Variants in VPS13C observed in about 807,000 individuals in gnomAD.
VPS13C encodes the protein vacuolar protein sorting 13 homolog C.
Under a neutral mutation model 456.8 loss-of-function variants are expected in VPS13C, and 358 were observed. The observed-to-expected ratio is 0.78, with a 90% CI of 0.72 to 0.86. The LOEUF (loss-of-function observed/expected upper bound fraction) is 0.86, where lower values mean the gene tolerates loss of function less well. Ranked by LOEUF, VPS13C falls within the 40% of genes least tolerant of loss-of-function variation. VPS13C has a pLI of 0.00. For missense variants in VPS13C, 4,818 were observed against 4,385.4 expected, an observed-to-expected ratio of 1.10 and a Z score of -2.79; for synonymous variants, 1,578 against 1,486.7, an observed-to-expected ratio of 1.06 and a Z score of -1.41.
Position 61,951,787 on chromosome 15 carries a change from TAATG to T in VPS13C, c.4456+33_4456+36del, listed in dbSNP as rs550816495. On this transcript the variant is annotated intron_variant, in intron 39 of 84. Coordinates refer to ENST00000644861, the MANE Select transcript of VPS13C (RefSeq NM_020821.3). Reference sequence around the variant, plus strand: ...GATAAAAAGGTAGGGATCATCTGCCTAATGAATAATTTACACAGACAATATTTCA... The same window carrying T: ...GATAAAAAGGTAGGGATCATCTGCCTAATAATTTACACAGACAATATTTCA... 3,002 of 1,576,108 alleles carry T rather than the reference TAATG, an allele frequency of 1.9e-3. 8 individuals carry two copies. Among genetic ancestry groups the T allele is most frequent in the Middle Eastern group, 2.7e-3 (15 of 5,646 alleles).
chr15:61,982,263 C>G (rs1363160858), intron 21 of VPS13C, among the ~76,000 whole-genome samples, 196 bp downstream of exon 21: 1 of 152,172 alleles, frequency 6.6e-6, no homozygotes, highest in Non-Finnish European at 1.5e-5. Context: ...ATCTGTGCCC[C>G]ATATTATGCT....
chr15:61,992,777 C>A (rs1345749139), intron 16 of VPS13C, among the ~76,000 whole-genome samples: 1 of 152,054 alleles, frequency 6.6e-6, no homozygotes, highest in South Asian at 2.1e-4. Context: ...AAAGAATCAT[C>A]TAGAAGCTTT....
chr15:62,000,339 CG>C (rs1229338541), intron 16 of VPS13C, among the ~76,000 whole-genome samples: 2 of 151,786 alleles, frequency 1.3e-5, no homozygotes, highest in African/African-American at 4.8e-5. Flanking sequence ...CATCCCAGCC[CG>C]GGAGACAGAG....
In VPS13C at chr15:62,035,057, G is replaced by T; in HGVS notation, c.188-5C>A. ...GAATCTTCAAAGTTAATTTATCTAA[G>T]GAAACATAATTTCAACCTTAAATTA... On this transcript the variant is annotated splice_region_variant and splice_polypyrimidine_tract_variant and intron_variant, in intron 3 of 84. Transcript: ENST00000644861. The T allele has an allele frequency of 6.3e-7, 1 of 1,590,610 alleles. No homozygotes were observed. The highest frequency in any genetic ancestry group is 2.2e-5 in the East Asian group (1 of 44,448).
chr15:61,936,921 G>A (rs954230075), intron 47 of VPS13C, among the ~76,000 whole-genome samples, 171 bp from the exon 48 acceptor site: 9 of 152,182 alleles, frequency 5.9e-5, no homozygotes, highest in Non-Finnish European at 1.2e-4. Flanking sequence ...TGTTTACTGT[G>A]TGCACACACA....
intron 35 of VPS13C, among the ~76,000 whole-genome samples, chr15:61,961,298 AG>A (rs1357815019): frequency 1.2e-4 from 18 of 151,272 alleles, no homozygotes; most frequent in Non-Finnish European, 2.7e-4. Flanking sequence ...AGGCTGAGGC[AG>A]GAGGATTGCT....
rs2046223544 is a variant in VPS13C at position 61,991,574 on chromosome 15, C to T, written c.1483+99G>A. On this transcript the variant is annotated intron_variant, in intron 17 of 84. Coordinates refer to ENST00000644861, the MANE Select transcript of VPS13C (RefSeq NM_020821.3). ...TTTACTATACTGAGGTAATTTATTT[C>T]AAATGTATTTCAAAATAAAATTCAA... 1.3e-5 allele frequency: 17 copies of T among 1,346,638 alleles called. No individual in the cohort carries two copies. The South Asian group carries it at 3.1e-4, about 25-fold the overall frequency. 83.4% of individuals were successfully genotyped at this position (1,346,638 alleles called of 1,614,324 possible). A position where few individuals can be genotyped will look rare whatever the true frequency, so the allele number is the denominator to read the frequency against.
intron 41 of VPS13C, 73 bp from the exon 42 acceptor site, chr15:61,949,678 A>T: frequency 1.4e-6 from 2 of 1,447,714 alleles, no homozygotes; most frequent in Non-Finnish European, 1.9e-6. Context: ...CAACAGATAT[A>T]AGTAGCACAA....
chr15:62,008,493 T>C (rs530451547), intron 14 of VPS13C, among the ~76,000 whole-genome samples, 162 bp downstream of exon 14: 1 of 152,284 alleles, frequency 6.6e-6, no homozygotes, highest in South Asian at 2.1e-4. Flanking sequence ...GTGAAAGCTG[T>C]TTTTATAAGT....
intron 3 of VPS13C, among the ~76,000 whole-genome samples, chr15:62,036,714 G>T (rs2048011516): frequency 6.6e-6 from 1 of 152,030 alleles, no homozygotes; most frequent in Non-Finnish European, 1.5e-5. Context: ...GGGACTGTCT[G>T]TTCCCTAAAC....
At position 61,854,483 on chromosome 15, in the gene VPS13C, G is replaced by A; in HGVS notation, c.11236C>T (p.Leu3746Phe). Residue 3746 changes from leucine (L) to phenylalanine (F), a missense_variant, in exon 85 of 85, where the codon CTT becomes TTT. Physicochemically the swap from Leu to Phe is conservative, Grantham distance 22 (BLOSUM62 0). Around this residue, in one of 3 missense-constraint regions of VPS13C, gnomAD observed 261 missense variants for 234.1 expected, o/e 1.11. Transcript: ENST00000644861. The part of the protein sequence containing the change: ...QKLMKQSSVR[L>F]LRPQLPS The stretch of plus-strand genomic sequence containing the variant: ...TAAGATGGCAATTGGGGTCTGAGAA[G>A]TCTCACTGATGACTGCTTCATCAAT... 3 of 1,614,160 alleles carry A rather than the reference G, an allele frequency of 1.9e-6. No individual in the cohort carries two copies. Among genetic ancestry groups the A allele is most frequent in the Non-Finnish European group, 1.7e-6 (2 of 1,180,000 alleles).
chr15:61,855,092 T>C (rs1039087755), intron 83 of VPS13C, 138 bp from the exon 84 acceptor site: 10 of 669,014 alleles, frequency 1.5e-5, no homozygotes, highest in Non-Finnish European at 2.5e-5. Flanking sequence ...AAGTAAGATA[T>C]GAAATAAATC....
chr15:61,883,319 G>A (rs1253669020), intron 68 of VPS13C, among the ~76,000 whole-genome samples: 1 of 151,654 alleles, frequency 6.6e-6, no homozygotes, highest in Non-Finnish European at 1.5e-5. Flanking sequence ...TTACAGGTGT[G>A]AGCCACTGCA....
At chr15:61,964,057 T>A in intron 31 of VPS13C, 106 bp from the exon 32 acceptor site, 1 of 609,702 alleles carries the variant, frequency 1.6e-6, no homozygotes, top group Non-Finnish European at 2.7e-6. Flanking sequence ...TTAAAAAAAA[T>A]TATAACATTC....
chr15:61,981,635 C>G (rs1243045008), intron 21 of VPS13C, among the ~76,000 whole-genome samples, 157 bp from the exon 22 acceptor site: 2 of 152,086 alleles, frequency 1.3e-5, no homozygotes, highest in Non-Finnish European at 2.9e-5. Flanking sequence ...CCGAGACAGG[C>G]AGATCACGAG....
intron 52 of VPS13C, 45 bp downstream of exon 52, chr15:61,927,046 T>G: frequency 6.5e-7 from 1 of 1,529,904 alleles, no homozygotes; most frequent in Non-Finnish European, 9.0e-7. Flanking sequence ...ATCAACTGTT[T>G]CTGCCATTCT....
chr15:61,930,561 A>C (rs1452223255), intron 50 of VPS13C, among the ~76,000 whole-genome samples: 1 of 152,258 alleles, frequency 6.6e-6, no homozygotes, highest in African/African-American at 2.4e-5. Context: ...AAATAAAAAC[A>C]TAATTAGGCT....
Position 61,964,861 on chromosome 15 carries a change from C to T in VPS13C, c.3052G>A (p.Val1018Met), listed in dbSNP as rs771247178. 3.1e-6 allele frequency: 5 copies of T among 1,595,432 alleles called. No individual in the cohort carries two copies. The highest frequency in any genetic ancestry group is 1.8e-5 in the Admixed American group (1 of 54,992). Residue 1018 changes from valine to methionine, a missense_variant and splice_region_variant, in exon 31 of 85, where the codon GTG (valine) becomes ATG (methionine). Transcript: ENST00000644861. ...AACAGATTTAAAGATGAAAAGGCCA[C>T]CTAAAAATGTTTTAAAGAGAAAATT... The part of the protein sequence containing the change: ...AFGKTEQTVK[V>M]AFSSLNLLLQ...
intron 66 of VPS13C, among the ~76,000 whole-genome samples, chr15:61,893,350 A>G (rs2042709573): frequency 6.6e-6 from 1 of 152,166 alleles, no homozygotes; most frequent in African/African-American, 2.4e-5. Context: ...GAAGGGGAAG[A>G]AAAACCCTGC....
Sources: gnomAD v4.1 joint callset for allele counts (sites outside exome capture counted in the v4.1 genomes callset) on GRCh38, gnomAD v4.1.1 for gene constraint, gnomAD v4.1.1 regional missense constraint, MANE v1.5 for transcripts, NCBI Gene and HGNC (gene_info 2026-07-23, HGNC 2026-07-21) for gene names.